The following DMD variants were observed in gnomAD, a reference collection of about 807,000 sequenced individuals.
DMD encodes the protein dystrophin.
Under a neutral mutation model 330.1 loss-of-function variants are expected in DMD, and 63 were observed. The observed-to-expected ratio is 0.19, with a 90% CI of 0.16 to 0.24. The LOEUF (loss-of-function observed/expected upper bound fraction) is 0.24, where lower values mean the gene tolerates loss of function less well. Ranked by LOEUF, DMD falls within the 10% of genes least tolerant of loss-of-function variation. The pLI is 1.00. For synonymous variants in DMD, 1,223 were observed against 959.8 expected, an observed-to-expected ratio of 1.27 and a Z score of -5.07; for missense variants, 3,344 against 2,684.1, an observed-to-expected ratio of 1.25 and a Z score of -5.43.
chrX:32,773,482 G>T (rs748395802), intron 7 of DMD, among the ~76,000 whole-genome samples: 37 of 107,783 alleles, frequency 3.4e-4, no homozygotes, highest in African/African-American at 1.2e-3. Flanking sequence ...CCAAACACTA[G>T]ATCTGATTCC....
chrX:31,683,641 A>C (rs188921082), intron 52 of DMD, among the ~76,000 whole-genome samples: 13 of 111,934 alleles, frequency 1.2e-4, no homozygotes, highest in Admixed American at 5.7e-4. Context: ...CTGGGAATGG[A>C]CTCCTGGAAA....
chrX:31,724,459 T>G (rs756338630), intron 52 of DMD, among the ~76,000 whole-genome samples: 2 of 111,949 alleles, frequency 1.8e-5, no homozygotes, highest in South Asian at 7.4e-4. Context: ...TGTATACCAG[T>G]TCTTTATGCA....
At position 32,511,316 on chromosome X, in the gene DMD, G is replaced by A. The variant is rs559729162; in HGVS notation, c.2292+6692C>T. Among the ~76,000 whole-genome samples the A allele has an allele frequency of 2.7e-4, 30 of 109,810 alleles. 1 individual carries two copies. The highest frequency in any genetic ancestry group is 8.6e-4 in the African/African-American group (26 of 30,206). On this transcript the variant is annotated intron_variant, in intron 18 of 78. Transcript: ENST00000357033. The stretch of plus-strand genomic sequence containing the variant: ...AGGCAGGTGGATCACAAGGTCAGGA[G>A]ATGGAGACCATCCTGGCCAACAGTT...
intron 43 of DMD, among the ~76,000 whole-genome samples, chrX:32,228,474 A>G (rs1273123999): frequency 8.9e-6 from 1 of 111,795 alleles, no homozygotes; most frequent in Non-Finnish European, 1.9e-5. Context: ...GCACCCTGTA[A>G]AAATACCCAA....
intron 7 of DMD, among the ~76,000 whole-genome samples, chrX:32,791,621 G>A (rs747951346): frequency 3.0e-4 from 34 of 111,865 alleles, no homozygotes; most frequent in African/African-American, 1.1e-3. Flanking sequence ...CTCAAGAGGA[G>A]ACTAGATAAA....
chrX:32,906,486 A>C (rs1216641291), intron 2 of DMD, among the ~76,000 whole-genome samples: 1 of 112,077 alleles, frequency 8.9e-6, no homozygotes, highest in Non-Finnish European at 1.9e-5. Context: ...CAGAGGGAAC[A>C]GTAAATAAGT....
chrX:32,842,996 C>T (rs1308316909), intron 4 of DMD, among the ~76,000 whole-genome samples: 11 of 110,544 alleles, frequency 1.0e-4, no homozygotes, highest in Non-Finnish European at 1.5e-4. Flanking sequence ...TTAGTAGAGA[C>T]GGGGTTTCGC....
At position 33,026,836 on chromosome X, in the gene DMD, AATAACATC is replaced by A. The variant is rs776460039; in HGVS notation, c.32-6644_32-6637del. Among the ~76,000 whole-genome samples the A allele has an allele frequency of 5.9e-3, 667 of 112,370 alleles. 7 individuals are homozygous for A. Among genetic ancestry groups the A allele is most frequent in the African/African-American group, 0.02 (621 of 30,966 alleles). On this transcript the variant is annotated intron_variant, in intron 1 of 78. Transcript: ENST00000357033. ...TCATCATCCTACAAAAGTTGTTCTT[AATAACATC>A]ACCTACATCCTTTCTCATTTCCAAG...
chrX:31,701,446 T>C (rs757516127), intron 52 of DMD, among the ~76,000 whole-genome samples: 155 of 111,941 alleles, frequency 1.4e-3, no homozygotes, highest in African/African-American at 5.0e-3. Context: ...GTATTTCAAT[T>C]CTTCCTTACC....
chrX:32,709,059 C>A (rs1396071324), intron 7 of DMD, among the ~76,000 whole-genome samples: 6 of 111,885 alleles, frequency 5.4e-5, no homozygotes, highest in Admixed American at 3.8e-4. Context: ...CAAACTTTAA[C>A]CCATTTTCAA....
chrX:31,242,258 A>C (rs1413930037), intron 63 of DMD, among the ~76,000 whole-genome samples: 1 of 89,292 alleles, frequency 1.1e-5, no homozygotes, highest in African/African-American at 4.6e-5. Context: ...CCTGTCTCAA[A>C]AAGCAAAAAA....
intron 1 of DMD, among the ~76,000 whole-genome samples, chrX:33,144,843 C>T (rs2047951805): frequency 8.9e-6 from 1 of 111,912 alleles, no homozygotes. Flanking sequence ...GGAAAACCCA[C>T]CATTTCCTTC....
chrX:33,073,866 A>G (rs1355198261), intron 1 of DMD, among the ~76,000 whole-genome samples: 1 of 109,602 alleles, frequency 9.1e-6, no homozygotes, highest in African/African-American at 3.4e-5. Context: ...TAAATAAATA[A>G]ATAAATAAAC....
chrX:32,535,375 A>C (rs960552079), intron 17 of DMD, among the ~76,000 whole-genome samples: 2 of 111,822 alleles, frequency 1.8e-5, no homozygotes, highest in African/African-American at 6.5e-5. Context: ...CAATGGCAGA[A>C]TATTGGAAGG....
rs781757694 is a variant in DMD at position 31,929,741 on chromosome X, A to G, written c.6767T>C (p.Leu2256Pro). ...LKEKLEQVKL[L>P]VEELPLRQGI... is the part of the protein sequence containing the mutation. ...CTGGCGCAGGGGCAACTCTTCCACC[A>G]GTAACTGAAACAGACAAATGCAACA... Residue 2256 changes from leucine (L) to proline (P), a missense_variant, in exon 47 of 79, where the codon CTG becomes CCG. By Grantham distance (98) the Leu-to-Pro change is moderately conservative. Coordinates refer to ENST00000357033, the MANE Select transcript of DMD (RefSeq NM_004006.3). The G allele has an allele frequency of 8.3e-7, 1 of 1,211,424 alleles. No homozygotes were observed. Among genetic ancestry groups the G allele is most frequent in the East Asian group, 3.0e-5 (1 of 33,821 alleles).
intron 50 of DMD, among the ~76,000 whole-genome samples, chrX:31,789,275 T>A (rs1175445022): frequency 9.0e-6 from 1 of 111,343 alleles, no homozygotes; most frequent in Non-Finnish European, 1.9e-5. Context: ...CTACTATAGG[T>A]TTTTGCTTTT....
intron 62 of DMD, among the ~76,000 whole-genome samples, chrX:31,314,834 AC>A (rs932290982): frequency 9.5e-6 from 1 of 105,706 alleles, no homozygotes; most frequent in Non-Finnish European, 1.9e-5. Context: ...CCCTCTCCCT[AC>A]CCCCTACTCC....
intron 64 of DMD, among the ~76,000 whole-genome samples, chrX:31,220,921 T>A (rs1408623594): frequency 3.6e-5 from 2 of 54,952 alleles, no homozygotes; most frequent in Non-Finnish European, 6.8e-5. Flanking sequence ...TTTTTTTTTT[T>A]AGCTCATCAG....
chrX:31,312,083 A>C (rs2055566610), intron 62 of DMD, among the ~76,000 whole-genome samples: 1 of 112,583 alleles, frequency 8.9e-6, no homozygotes, highest in Non-Finnish European at 1.9e-5. Context: ...AAGCAACTGC[A>C]ACAAAAGACA....
Sources: allele counts gnomAD v4.1 joint callset (sites outside exome capture counted in the v4.1 genomes callset), GRCh38; gene constraint gnomAD v4.1.1; transcripts MANE v1.5; gene names NCBI Gene and HGNC (gene_info 2026-07-23, HGNC 2026-07-21).